RBMS1: variants seen among roughly 807,000 people sequenced by gnomAD.
The protein encoded by RBMS1 is RNA binding motif single stranded interacting protein 1, also known as RNA-binding motif, single-stranded-interacting protein 1.
A neutral mutation model predicts 62.3 loss-of-function variants in RBMS1; 17 were observed. That is an observed-to-expected ratio of 0.27 (90% CI 0.19 to 0.41). The LOEUF (loss-of-function observed/expected upper bound fraction) is 0.41, where lower values mean the gene tolerates loss of function less well. Among genes scored for constraint, RBMS1 ranks in the 10% least tolerant of loss-of-function variants. The probability of loss-of-function intolerance (pLI) is 1.00; values close to 1 mark genes in which losing one functional copy is unlikely to be tolerated. For missense variants in RBMS1, 334 were observed against 504.5 expected, an observed-to-expected ratio of 0.66 and a Z score of 3.24; for synonymous variants, 172 against 170.0, an observed-to-expected ratio of 1.01 and a Z score of -0.09.
rs1000880513 is a variant in RBMS1 at position 160,281,368 on chromosome 2, G to C, written c.901-4C>G. ...GCATCCACGAAGGACTTTGCACCTA[G>C]AAAAGGGAGGATTTTGAAAGAAATA... On this transcript the variant is annotated splice_region_variant and splice_polypyrimidine_tract_variant and intron_variant, in intron 9 of 13. Coordinates refer to ENST00000348849, the MANE Select transcript of RBMS1 (RefSeq NM_016836.4). The C allele has an allele frequency of 1.2e-6, 2 of 1,603,728 alleles. No homozygotes were observed. The highest frequency in any genetic ancestry group is 1.3e-5 in the African/African-American group (1 of 74,710).
At chr2:160,393,615 T>G (rs1694975938) in intron 1 of RBMS1, among the ~76,000 whole-genome samples, 1 of 151,716 alleles carries the variant, frequency 6.6e-6, no homozygotes, top group African/African-American at 2.4e-5. Context: ...TCGTCTCCAC[T>G]AAAAATACAA....
chr2:160,360,555 T>G (rs1159450045), intron 2 of RBMS1, among the ~76,000 whole-genome samples: 1 of 152,276 alleles, frequency 6.6e-6, no homozygotes, highest in African/African-American at 2.4e-5. Flanking sequence ...TGACACCCCG[T>G]CATGGGAACC....
intron 1 of RBMS1, among the ~76,000 whole-genome samples, chr2:160,381,168 G>C (rs1694266645): frequency 6.6e-6 from 1 of 151,992 alleles, no homozygotes; most frequent in Non-Finnish European, 1.5e-5. Context: ...TACAATAATA[G>C]CTCATATGCA....
At chr2:160,367,967 T>G (rs1693502935) in intron 1 of RBMS1, among the ~76,000 whole-genome samples, 1 of 152,124 alleles carries the variant, frequency 6.6e-6, no homozygotes, top group African/African-American at 2.4e-5. Flanking sequence ...CTGGCTAACC[T>G]TGTGAAATTT....
At chr2:160,306,577 T>C (rs1689537637) in intron 4 of RBMS1, among the ~76,000 whole-genome samples, 1 of 151,798 alleles carries the variant, frequency 6.6e-6, no homozygotes, top group Non-Finnish European at 1.5e-5. Flanking sequence ...TTTCAAACGG[T>C]CAACATATCT....
At chr2:160,471,717 A>ATATATAT (rs1422014155) in intron 1 of RBMS1, among the ~76,000 whole-genome samples, 4 of 53,940 alleles carry the variant, frequency 7.4e-5, no homozygotes, top group South Asian at 4.9e-4. Context: ...ATATATATAT[A>ATATATAT]ACCTTTCATA....
intron 1 of RBMS1, among the ~76,000 whole-genome samples, chr2:160,475,571 CTT>C (rs975632357): frequency 1.3e-5 from 2 of 152,186 alleles, no homozygotes; most frequent in African/African-American, 4.8e-5. Flanking sequence ...GTCGTTGTCT[CTT>C]TTAGGTTTCC....
intron 2 of RBMS1, among the ~76,000 whole-genome samples, chr2:160,356,028 A>G (rs939986332): frequency 1.1e-4 from 16 of 152,116 alleles, no homozygotes; most frequent in Admixed American, 7.9e-4. Context: ...GCAAAACTAT[A>G]ATGTTCTTAT....
chr2:160,481,358 TA>T (rs373909477), intron 1 of RBMS1, among the ~76,000 whole-genome samples: 9 of 127,066 alleles, frequency 7.1e-5, no homozygotes, highest in African/African-American at 8.7e-5. Flanking sequence ...GTAGGAAATG[TA>T]AAAAAAAAAA....
intron 1 of RBMS1, among the ~76,000 whole-genome samples, chr2:160,462,320 T>C (rs1215415472): frequency 1.3e-5 from 2 of 152,236 alleles, no homozygotes; most frequent in African/African-American, 2.4e-5. Context: ...CTCTGTCTTA[T>C]GCCTTTTGCC....
At chr2:160,283,536 T>C (rs1574210031) in intron 9 of RBMS1, 1 of 152,316 alleles carries the variant, frequency 6.6e-6, no homozygotes, top group Non-Finnish European at 1.5e-5. Flanking sequence ...CCTAGAAGCA[T>C]AGGAGACTGT....
At chr2:160,453,609 A>G (rs1399664515) in intron 1 of RBMS1, among the ~76,000 whole-genome samples, 4 of 152,170 alleles carry the variant, frequency 2.6e-5, no homozygotes, top group Admixed American at 2.6e-4. Context: ...CCCTCACTCA[A>G]CAATGCATTG....
intron 1 of RBMS1, among the ~76,000 whole-genome samples, chr2:160,395,556 G>A (rs1488036415): frequency 2.0e-5 from 3 of 150,952 alleles, no homozygotes; most frequent in African/African-American, 4.9e-5. Context: ...CCCGGGAGGC[G>A]GAGCTTGCAG....
chr2:160,428,111 T>C (rs1057417889), intron 1 of RBMS1, among the ~76,000 whole-genome samples: 1 of 152,110 alleles, frequency 6.6e-6, no homozygotes, highest in African/African-American at 2.4e-5. Context: ...CATATTTTAA[T>C]CACCAGTTTG....
At chr2:160,307,173 T>C (rs542463540) in intron 4 of RBMS1, among the ~76,000 whole-genome samples, 28 of 152,232 alleles carry the variant, frequency 1.8e-4, no homozygotes, top group African/African-American at 5.3e-4. Context: ...GCGTGTGGAA[T>C]GGTTCCTAAA....
chr2:160,275,357 T>G, intron 13 of RBMS1: 1 of 309,086 alleles, frequency 3.2e-6, no homozygotes, highest in Non-Finnish European at 5.2e-6. Flanking sequence ...TGGTTCTTGG[T>G]GTTCTCTGAT....
chr2:160,288,444 C>T (rs1178155054), intron 6 of RBMS1, among the ~76,000 whole-genome samples: 2 of 152,112 alleles, frequency 1.3e-5, no homozygotes, highest in African/African-American at 4.8e-5. Flanking sequence ...CAAAAGAAAA[C>T]AAAAAGCCCA....
intron 1 of RBMS1, among the ~76,000 whole-genome samples, chr2:160,430,154 G>A (rs1559541742): frequency 6.6e-6 from 1 of 152,228 alleles, no homozygotes; most frequent in South Asian, 2.1e-4. Context: ...GCAGCTGCCT[G>A]AGTGACCCAG....
Position 160,493,348 on chromosome 2 carries a change from T to A in RBMS1, c.16A>T (p.Lys6Ter), listed in dbSNP as rs1368466699. ...GCGTACTGAGGGTACATCTGCTGTT[T>A]CCACACTTTGCCCATGAAGCTGGAA... MGKVW[K>*]QQMYPQYATY... Residue 6 changes from lysine (K) to a stop codon, truncating the protein, a stop_gained, in exon 1 of 14, where the codon AAA becomes TAA. Coordinates refer to ENST00000348849, the MANE Select transcript of RBMS1 (RefSeq NM_016836.4). LOFTEE classifies it high-confidence loss of function. 1.2e-6 allele frequency: 2 copies of A among 1,613,272 alleles called. No individual in the cohort carries two copies. Among genetic ancestry groups the A allele is most frequent in the African/African-American group, 2.7e-5 (2 of 74,856 alleles).
Sources: gnomAD v4.1 joint callset for allele counts (sites outside exome capture counted in the v4.1 genomes callset) on GRCh38, gnomAD v4.1.1 for gene constraint, MANE v1.5 for transcripts, NCBI Gene and HGNC (gene_info 2026-07-23, HGNC 2026-07-21) for gene names.